Variants in ADAT1 observed in about 807,000 individuals in gnomAD.
The protein encoded by ADAT1 is tRNA-specific adenosine deaminase 1.
In ADAT1, 58 loss-of-function variants were observed where a neutral mutation model predicts 58.6. The observed-to-expected ratio is 0.99, with a 90% CI of 0.80 to 1.23. The LOEUF (loss-of-function observed/expected upper bound fraction) is 1.23, where lower values mean the gene tolerates loss of function less well. Ranked by LOEUF, ADAT1 falls within the 50% of genes most tolerant of loss-of-function variation. The probability of loss-of-function intolerance (pLI) is 0.00; values close to 1 mark genes in which losing one functional copy is unlikely to be tolerated. For synonymous variants in ADAT1, 254 were observed against 220.8 expected (o/e 1.15, Z -1.33); for missense variants, 741 against 608.6 (o/e 1.22, Z -2.29).
At chr16:75,615,955 G>T (rs1344307187) in intron 5 of ADAT1, among the ~76,000 whole-genome samples, 1 of 151,998 alleles carries the variant, frequency 6.6e-6, no homozygotes, top group East Asian at 1.9e-4. Context: ...CATTTTTCTG[G>T]GCTTTGACTC....
chr16:75,617,103 G>A, intron 5 of ADAT1, 39 bp downstream of exon 5: 1 of 1,580,044 alleles, frequency 6.3e-7, no homozygotes, highest in African/African-American at 1.3e-5. Context: ...TAAGGAAGTA[G>A]TTCATGTAAC....
Position 75,603,138 on chromosome 16 carries a change from T to C in ADAT1, c.1323A>G (p.Ser441=), listed in dbSNP as rs114896143. The C allele has an allele frequency of 5.3e-4, 860 of 1,614,122 alleles. 5 individuals are homozygous for C. The African/African-American group carries it at 0.01, about 19-fold the overall frequency. Residue 441 remains serine (S), a synonymous_variant, in exon 9 of 10, where the codon TCA becomes TCG. Coordinates refer to ENST00000564657, the MANE Select transcript of ADAT1 (RefSeq NM_001324445.2). Reference sequence around the variant, plus strand: ...CAATTCTGCTTAGCAGCTTCTGGAATGATCTGAAGAGTTCCACTTTGCTGA... The same window carrying C: ...CAATTCTGCTTAGCAGCTTCTGGAACGATCTGAAGAGTTCCACTTTGCTGA... ...SQISKVELFR[S]FQKLLSRIAR...
rs2081117907 is a variant in ADAT1 at position 75,598,034 on chromosome 16, C to A, written c.*2182G>T. ...GAGGAAGCAGAAGCCCCACCAACAA[C>A]CTGTTTGGACTTCTAGCCTCCAGAA... On this transcript the variant is annotated 3_prime_UTR_variant, in exon 10 of 10. Coordinates refer to ENST00000564657, the MANE Select transcript of ADAT1 (RefSeq NM_001324445.2). 6.4e-6 allele frequency: 1 copy of A among 155,384 alleles called. No individual in the cohort carries two copies. The highest frequency in any genetic ancestry group is 1.4e-5 in the Non-Finnish European group (1 of 69,882). The allele number at this position is 155,384 out of a possible 1,614,324, so 9.6% of individuals were successfully genotyped here.
chr16:75,603,273 G>A (rs1279141228), intron 8 of ADAT1, 102 bp from the exon 9 acceptor site: 3 of 968,976 alleles, frequency 3.1e-6, no homozygotes, highest in Non-Finnish European at 4.7e-6. Context: ...GTTTGAAGGT[G>A]CCAGAGCCCC....
chr16:75,616,066 C>T (rs760752353), intron 5 of ADAT1, among the ~76,000 whole-genome samples: 10 of 150,710 alleles, frequency 6.6e-5, no homozygotes, highest in African/African-American at 1.5e-4. Flanking sequence ...TGGAGTGCAA[C>T]GGCGCAATCT....
At chr16:75,614,433 A>G (rs1362347379) in intron 5 of ADAT1, among the ~76,000 whole-genome samples, 2 of 152,232 alleles carry the variant, frequency 1.3e-5, no homozygotes. Context: ...GAGAAGCGAA[A>G]GATTTCTTCA....
In ADAT1 at chr16:75,612,226, C is replaced by T; in HGVS notation, c.1043+17G>A. 6.2e-7 allele frequency: 1 copy of T among 1,607,120 alleles called. No homozygotes were observed. The highest frequency in any genetic ancestry group is 1.3e-5 in the African/African-American group (1 of 74,934). ...CTTGGAATGACTGTTCCAATTGAGC[C>T]CTCCCTACCCTCTCACCTTCCAATC... On this transcript the variant is annotated intron_variant, in intron 6 of 9. Coordinates refer to ENST00000564657, the MANE Select transcript of ADAT1 (RefSeq NM_001324445.2).
At chr16:75,611,710 G>C (rs2081540580) in intron 6 of ADAT1, among the ~76,000 whole-genome samples, 1 of 150,696 alleles carries the variant, frequency 6.6e-6, no homozygotes, top group African/African-American at 2.4e-5. Flanking sequence ...TAACAACAAA[G>C]AAAACACTTA....
chr16:75,620,436 C>T, intron 2 of ADAT1, 102 bp from the exon 3 acceptor site: 1 of 1,443,364 alleles, frequency 6.9e-7, no homozygotes. Context: ...TCCCAGAGGC[C>T]CACTCAACCA....
intron 2 of ADAT1, 145 bp downstream of exon 2, chr16:75,620,486 G>C: frequency 1.4e-6 from 2 of 1,392,816 alleles, no homozygotes; most frequent in Non-Finnish European, 2.0e-6. Flanking sequence ...CGCCATCAGA[G>C]GTACTGCGTC....
chr16:75,620,403 G>C (rs2081893786), intron 2 of ADAT1, 69 bp from the exon 3 acceptor site: 1 of 1,532,520 alleles, frequency 6.5e-7, no homozygotes, highest in Non-Finnish European at 9.0e-7. Context: ...GGTGTGATCA[G>C]CCTGCACACT....
At chr16:75,617,061 A>C in intron 5 of ADAT1, 81 bp downstream of exon 5, 1 of 1,505,850 alleles carries the variant, frequency 6.6e-7, no homozygotes, top group Non-Finnish European at 8.9e-7. Context: ...AGTGCTTTTT[A>C]GGAAAAAACC....
At chr16:75,608,799 AG>A in intron 7 of ADAT1, 43 bp downstream of exon 7, 5 of 1,585,754 alleles carry the variant, frequency 3.2e-6, no homozygotes, top group Non-Finnish European at 4.3e-6. Context: ...ACTCTCAGTC[AG>A]GGGAGCAGTT....
Position 75,598,342 on chromosome 16 carries a change from G to A in ADAT1, c.*1874C>T. On this transcript the variant is annotated 3_prime_UTR_variant, in exon 10 of 10. Coordinates refer to ENST00000564657, the MANE Select transcript of ADAT1 (RefSeq NM_001324445.2). ...GCCCACCTCGGCCTCCTAAAGTGTT[G>A]GGATTACAGGCGTGAGCCACTGCAC... 2 of 236,298 alleles carry A rather than the reference G, an allele frequency of 8.5e-6. No homozygotes were observed. The highest frequency in any genetic ancestry group is 1.8e-5 in the Non-Finnish European group (2 of 110,468). 14.6% of individuals were successfully genotyped at this position (236,298 alleles called of 1,614,324 possible).
chr16:75,614,083 G>A lies in ADAT1; in HGVS notation c.425-1222C>T, dbSNP rs576772552. Among the ~76,000 whole-genome samples, 11 of 152,186 alleles carry A rather than the reference G, an allele frequency of 7.2e-5. 1 individual carries two copies. The South Asian group carries it at 1.7e-3, about 23-fold the overall frequency. Reference sequence around the variant, plus strand: ...CGCGCACCTGTAGTCCCAGCTACTCGGGAGGCTAAGGCAGAACAATCGCTT... The same window carrying A: ...CGCGCACCTGTAGTCCCAGCTACTCAGGAGGCTAAGGCAGAACAATCGCTT... On this transcript the variant is annotated intron_variant, in intron 5 of 9. Coordinates refer to ENST00000564657, the MANE Select transcript of ADAT1 (RefSeq NM_001324445.2).
At position 75,620,316 on chromosome 16, in the gene ADAT1, G is replaced by A. The variant is rs761484831; in HGVS notation, c.188C>T (p.Ser63Leu). ...TATGCATTTTGTTCCTGTTCCCATT[G>A]ACACAACTTCCTTTGTCACTGTGGG... ...KPVQVTKEVV[S>L]MGTGTKCIGQ... The change falls in exon 3 of 10, where the codon TCA becomes TTA. Residue 63 changes from serine (S) to leucine (L), a missense_variant. By Grantham distance (145) the Ser-to-Leu change is moderately radical (BLOSUM62 -2). Coordinates refer to ENST00000564657, the MANE Select transcript of ADAT1 (RefSeq NM_001324445.2). The A allele has an allele frequency of 6.2e-7, 1 of 1,614,046 alleles. No individual in the cohort carries two copies. Among genetic ancestry groups the A allele is most frequent in the African/African-American group, 1.3e-5 (1 of 75,008 alleles).
intron 2 of ADAT1, 142 bp downstream of exon 2, chr16:75,620,489 A>G: frequency 7.2e-7 from 1 of 1,382,302 alleles, no homozygotes; most frequent in Non-Finnish European, 1.0e-6. Context: ...CATCAGAGGT[A>G]CTGCGTCACC....
chr16:75,600,205 AC>A lies in ADAT1; in HGVS notation c.*10del. 6.2e-7 allele frequency: 1 copy of A among 1,614,022 alleles called. No homozygotes were observed. Among genetic ancestry groups the A allele is most frequent in the Non-Finnish European group, 8.5e-7 (1 of 1,179,898 alleles). ...ATGAAGGGTCCTGCTACCAGAGCAA[AC>A]ATTTCCTTCTCACTTGAACTGGTGA... On this transcript the variant is annotated 3_prime_UTR_variant, in exon 10 of 10. Transcript: ENST00000564657.
At chr16:75,617,933 A>C (rs1475478928) in intron 4 of ADAT1, among the ~76,000 whole-genome samples, 2 of 150,586 alleles carry the variant, frequency 1.3e-5, no homozygotes, top group Admixed American at 6.6e-5. Flanking sequence ...AAAAAAAAAA[A>C]AAACCCAGGA....
Sources: gnomAD v4.1 joint callset for allele counts (sites outside exome capture counted in the v4.1 genomes callset) on GRCh38, gnomAD v4.1.1 for gene constraint, MANE v1.5 for transcripts, NCBI Gene and HGNC (gene_info 2026-07-23, HGNC 2026-07-21) for gene names.